The following PYM1 variants were observed in gnomAD, a reference collection of about 807,000 sequenced individuals.
PYM1 encodes the protein partner of Y14 and mago.
In PYM1, 7 loss-of-function variants were observed where a neutral mutation model predicts 20.7. That is an observed-to-expected ratio of 0.34 (90% CI 0.19 to 0.64). The LOEUF (loss-of-function observed/expected upper bound fraction) is 0.64. Ranked by LOEUF, PYM1 falls within the 30% of genes least tolerant of loss-of-function variation. The probability of loss-of-function intolerance (pLI) is 0.74; values close to 1 mark genes in which losing one functional copy is unlikely to be tolerated. For synonymous variants in PYM1, 100 were observed against 99.2 expected (o/e 1.01, Z -0.05); for missense variants, 194 against 250.0 (o/e 0.78, Z 1.51).
intron 1 of PYM1, among the ~76,000 whole-genome samples, chr12:55,920,313 G>C (rs1453284478): frequency 6.6e-6 from 1 of 151,834 alleles, no homozygotes; most frequent in East Asian, 1.9e-4. Flanking sequence ...GACCTGCCTG[G>C]GAAACATAGC....
At chr12:55,926,938 G>A (rs1883199670) in intron 1 of PYM1, 1 of 898,086 alleles carries the variant, frequency 1.1e-6, no homozygotes, top group Non-Finnish European at 1.7e-6. Context: ...CCCCGTAGGA[G>A]AGAATGAATG....
chr12:55,914,196 G>A (rs1201036916), intron 1 of PYM1: 1 of 667,794 alleles, frequency 1.5e-6, no homozygotes, highest in Non-Finnish European at 2.7e-6. Flanking sequence ...GTAATGAAAG[G>A]CAGAGCAGAA....
chr12:55,902,140 A>G lies in PYM1; in HGVS notation c.347T>C (p.Val116Ala), dbSNP rs1463486503. Residue 116 changes from valine to alanine, a missense_variant, in exon 3 of 3, where the codon GTG (valine) becomes GCG (alanine). Physicochemically the swap from Val to Ala is moderately conservative, Grantham distance 64. Coordinates refer to ENST00000408946, the MANE Select transcript of PYM1 (RefSeq NM_032345.3). ...AEALSRTLDK[V>A]SLEETAQLPS... is the part of the protein sequence containing the mutation. ...GAGTTGGGCTGTCTCTTCCAGGGAC[A>G]CCTTATCAAGAGTCCTGCTCAAGGC... The G allele has an allele frequency of 6.2e-7, 1 of 1,613,958 alleles. No individual in the cohort carries two copies. The highest frequency in any genetic ancestry group is 1.7e-5 in the Admixed American group (1 of 59,974).
At chr12:55,922,427 T>A in intron 1 of PYM1, among the ~76,000 whole-genome samples, 1 of 124,778 alleles carries the variant, frequency 8.0e-6, no homozygotes, top group Non-Finnish European at 1.6e-5. Context: ...CCAGGCAACA[T>A]AGTGAGACCA....
At chr12:55,905,934 A>AGATATATAATTATATATATCTAT (rs1565714530) in intron 1 of PYM1, among the ~76,000 whole-genome samples, 1 of 70,238 alleles carries the variant, frequency 1.4e-5, no homozygotes. Context: ...TATATATCTA[A>AGATATATAATTATATATATCTAT]TAGATATATA....
At chr12:55,910,287 A>AT (rs1177491764) in intron 1 of PYM1, among the ~76,000 whole-genome samples, 1 of 123,742 alleles carries the variant, frequency 8.1e-6, no homozygotes, top group African/African-American at 3.0e-5. Context: ...ATATATATAT[A>AT]AAATTTTTTT....
chr12:55,925,701 C>CA lies in PYM1; in HGVS notation c.37+2023dup, dbSNP rs143664904. On this transcript the variant is annotated intron_variant, in intron 1 of 2. Transcript: ENST00000408946. ...ATGATCTGGACATAGTAAAGGAAAACAAAAAAGCAGTTTATTCCTTTTTCT... is the reference window on the plus strand; with the variant it reads ...ATGATCTGGACATAGTAAAGGAAAACAAAAAAAGCAGTTTATTCCTTTTTCT... 5.4e-3 allele frequency among the ~76,000 whole-genome samples: 820 copies of CA among 152,144 alleles called. 7 individuals are homozygous for CA. The highest frequency in any genetic ancestry group is 0.019 in the African/African-American group (779 of 41,514).
At chr12:55,926,987 C>T (rs1883201166) in intron 1 of PYM1, 3 of 1,375,726 alleles carry the variant, frequency 2.2e-6, no homozygotes, top group South Asian at 1.5e-5. Flanking sequence ...GGAGGGGCCC[C>T]GGGATGGGCG....
intron 1 of PYM1, chr12:55,927,263 A>G: frequency 9.1e-7 from 1 of 1,099,328 alleles, no homozygotes; most frequent in African/African-American, 1.6e-5. Flanking sequence ...GGAAGAGTGG[A>G]GAAGCTGAAA....
At chr12:55,916,132 C>T (rs1040526891) in intron 1 of PYM1, among the ~76,000 whole-genome samples, 1 of 152,078 alleles carries the variant, frequency 6.6e-6, no homozygotes, top group South Asian at 2.1e-4. Context: ...GTCAGGAGTT[C>T]GAGACCAGCC....
chr12:55,905,064 C>A, intron 1 of PYM1, among the ~76,000 whole-genome samples: 1 of 151,478 alleles, frequency 6.6e-6, no homozygotes, highest in East Asian at 2.0e-4. Context: ...TGCAGTGGCG[C>A]AATCTCGGCT....
chr12:55,903,619 C>A, intron 1 of PYM1, 139 bp from the exon 2 acceptor site: 1 of 710,644 alleles, frequency 1.4e-6, no homozygotes, highest in Non-Finnish European at 2.4e-6. Flanking sequence ...TTTCTCATAC[C>A]AACACTCAAT....
At chr12:55,911,772 G>T (rs2625137) in intron 1 of PYM1, among the ~76,000 whole-genome samples, 6,154 of 151,786 alleles carry the variant, frequency 0.041, 414 homozygotes, top group African/African-American at 0.14. Flanking sequence ...TCCCAGGAGG[G>T]GGAGGTTGCA....
intron 1 of PYM1, among the ~76,000 whole-genome samples, chr12:55,906,284 TA>T (rs1234645619): frequency 6.6e-6 from 1 of 151,894 alleles, no homozygotes; most frequent in Non-Finnish European, 1.5e-5. Context: ...CAGAGAACAT[TA>T]AAAAAATATG....
intron 1 of PYM1, among the ~76,000 whole-genome samples, chr12:55,905,888 ATTATTATATATATC>A (rs1394739385): frequency 4.1e-5 from 3 of 72,650 alleles, no homozygotes; most frequent in South Asian, 1.0e-3. Flanking sequence ...AGATATATAT[ATTATTATATATATC>A]TAATAGATAT....
intron 1 of PYM1, chr12:55,927,253 G>A: frequency 1.7e-6 from 2 of 1,190,224 alleles, no homozygotes; most frequent in Non-Finnish European, 2.4e-6. Context: ...TGGAGGAGGA[G>A]GAAGAGTGGA....
intron 1 of PYM1, among the ~76,000 whole-genome samples, chr12:55,916,288 C>T (rs1036807382): frequency 4.0e-5 from 6 of 151,586 alleles, no homozygotes; most frequent in African/African-American, 1.5e-4. Context: ...TGAGCTGAAA[C>T]CACACCAGTG....
intron 1 of PYM1, among the ~76,000 whole-genome samples, chr12:55,914,544 C>G (rs1025119765): frequency 1.3e-5 from 2 of 152,166 alleles, no homozygotes; most frequent in Non-Finnish European, 2.9e-5. Context: ...AATAAAAACT[C>G]TTACACTGAA....
At chr12:55,925,841 G>A (rs921191606) in intron 1 of PYM1, among the ~76,000 whole-genome samples, 2 of 152,188 alleles carry the variant, frequency 1.3e-5, no homozygotes, top group African/African-American at 4.8e-5. Context: ...GTAAAGAGAA[G>A]TATACTGGAT....
Sources: allele counts gnomAD v4.1 joint callset (sites outside exome capture counted in the v4.1 genomes callset), GRCh38; gene constraint gnomAD v4.1.1; transcripts MANE v1.5; gene names NCBI Gene and HGNC (gene_info 2026-07-23, HGNC 2026-07-21).